The following OSBP2 variants were observed in gnomAD, a reference collection of about 807,000 sequenced individuals.
OSBP2 encodes oxysterol-binding protein 2.
A neutral mutation model predicts 96.0 loss-of-function variants in OSBP2; 66 were observed. The observed-to-expected ratio is 0.69, with a 90% CI of 0.56 to 0.84. OSBP2 has a LOEUF of 0.84. Ranked by LOEUF, OSBP2 falls within the 40% of genes least tolerant of loss-of-function variation. The pLI is 0.00. For missense variants in OSBP2, 1,038 were observed against 1,222.7 expected (o/e 0.85, Z 2.25); for synonymous variants, 525 against 520.9 (o/e 1.01, Z -0.11).
At chr22:30,726,103 A>G (rs2089646482) in intron 1 of OSBP2, among the ~76,000 whole-genome samples, 1 of 152,126 alleles carries the variant, frequency 6.6e-6, no homozygotes, top group Non-Finnish European at 1.5e-5. Flanking sequence ...ATAGGCTCCC[A>G]TAGAAGGTGA....
chr22:30,872,086 G>T (rs919805365), intron 3 of OSBP2, among the ~76,000 whole-genome samples: 1 of 152,202 alleles, frequency 6.6e-6, no homozygotes, highest in Non-Finnish European at 1.5e-5. Flanking sequence ...GCTGGGGGGT[G>T]GGGGGCAGTT....
At chr22:30,750,590 A>G (rs1195902977) in intron 2 of OSBP2, among the ~76,000 whole-genome samples, 2 of 152,204 alleles carry the variant, frequency 1.3e-5, no homozygotes, top group African/African-American at 2.4e-5. Flanking sequence ...TGATGTTAAC[A>G]TCAACACAGA....
In OSBP2 at chr22:30,822,824, G is replaced by A. The variant is rs949121572; in HGVS notation, c.854-47605G>A. The A allele has an allele frequency of 1.9e-4, 169 of 875,486 alleles. No homozygotes were observed. In the African/African-American group the frequency reaches 2.8e-3, roughly 15 times the overall value. 54.2% of individuals were successfully genotyped at this position (875,486 alleles called of 1,614,324 possible). A position where few individuals can be genotyped will look rare whatever the true frequency, so the allele number is the denominator to read the frequency against. ...CGGGAGCCTCTGATGTCACTCCCTC[G>A]CGGCGTGGGGAGCGCGGGGAGCCTC... is the stretch of plus-strand genomic sequence containing the variant. On this transcript the variant is annotated intron_variant, in intron 2 of 13. Coordinates refer to ENST00000332585, the MANE Select transcript of OSBP2 (RefSeq NM_030758.4).
rs1243088966 is a variant in OSBP2 at position 30,906,477 on chromosome 22, C to T, written c.*138C>T. 11 of 1,092,856 alleles carry T rather than the reference C, an allele frequency of 1.0e-5. No homozygotes were observed. The highest frequency in any genetic ancestry group is 6.5e-5 in the Admixed American group (2 of 30,812). The allele number at this position is 1,092,856 out of a possible 1,614,324, so 67.7% of individuals were successfully genotyped here. A position where few individuals can be genotyped will look rare whatever the true frequency, so the allele number is the denominator to read the frequency against. On this transcript the variant is annotated 3_prime_UTR_variant, in exon 14 of 14. Transcript: ENST00000332585. ...ATTTCCTTTCCTATTTTTTTTTTCT[C>T]CCCACACTTTCTTGGGACTCCCACC... is the stretch of plus-strand genomic sequence containing the variant.
chr22:30,795,112 G>A (rs1049727910), intron 2 of OSBP2, among the ~76,000 whole-genome samples: 3 of 151,498 alleles, frequency 2.0e-5, no homozygotes, highest in Non-Finnish European at 4.4e-5. Context: ...GGATCTCATC[G>A]TCTTCCCAGG....
intron 2 of OSBP2, among the ~76,000 whole-genome samples, chr22:30,865,299 T>G (rs1249289443): frequency 2.0e-5 from 3 of 152,090 alleles, no homozygotes; most frequent in Non-Finnish European, 4.4e-5. Context: ...GGGCCTCCCC[T>G]GGTTCCGAGC....
intron 2 of OSBP2, among the ~76,000 whole-genome samples, chr22:30,801,720 C>T (rs1342763721): frequency 6.6e-6 from 1 of 152,134 alleles, no homozygotes; most frequent in African/African-American, 2.4e-5. Context: ...TACCTGTAAT[C>T]TCAGTGCTTT....
intron 2 of OSBP2, among the ~76,000 whole-genome samples, chr22:30,866,969 C>T (rs146768093): frequency 6.6e-6 from 1 of 152,196 alleles, no homozygotes; most frequent in Non-Finnish European, 1.5e-5. Context: ...AGGCCCACCC[C>T]CTTGTGCTCA....
At chr22:30,767,683 A>C (rs912686359) in intron 2 of OSBP2, among the ~76,000 whole-genome samples, 4 of 152,166 alleles carry the variant, frequency 2.6e-5, no homozygotes, top group Non-Finnish European at 5.9e-5. Flanking sequence ...AAGGGAATGC[A>C]GAGGGCTGAG....
At chr22:30,884,721 C>T (rs1476157431) in intron 3 of OSBP2, among the ~76,000 whole-genome samples, 3 of 152,086 alleles carry the variant, frequency 2.0e-5, no homozygotes, top group Non-Finnish European at 4.4e-5. Flanking sequence ...CAGGGTGCCC[C>T]AGTGCACAGC....
chr22:30,807,856 C>T (rs1216226368), intron 2 of OSBP2, among the ~76,000 whole-genome samples: 1 of 152,214 alleles, frequency 6.6e-6, no homozygotes, highest in Admixed American at 6.5e-5. Flanking sequence ...CAGTTTTACA[C>T]TTCACTGTAG....
chr22:30,902,601 CCCTT>C, intron 12 of OSBP2: 1 of 725,190 alleles, frequency 1.4e-6, no homozygotes, highest in South Asian at 1.5e-5. Flanking sequence ...AGATGGTCCT[CCCTT>C]CCACGATCCA....
At chr22:30,797,241 TG>T (rs1306956642) in intron 2 of OSBP2, among the ~76,000 whole-genome samples, 13 of 152,362 alleles carry the variant, frequency 8.5e-5, no homozygotes, top group Admixed American at 2.6e-4. Flanking sequence ...GTGTCTTCCA[TG>T]TTTTAGCTAT....
At chr22:30,885,595 A>G (rs2039792668) in intron 3 of OSBP2, among the ~76,000 whole-genome samples, 1 of 152,214 alleles carries the variant, frequency 6.6e-6, no homozygotes. Flanking sequence ...CTTCTGCCAG[A>G]CAAGACCAAT....
chr22:30,833,241 A>T (rs1383992072), intron 2 of OSBP2, among the ~76,000 whole-genome samples: 1 of 152,252 alleles, frequency 6.6e-6, no homozygotes, highest in African/African-American at 2.4e-5. Flanking sequence ...GTCCGCTGTT[A>T]GAGATTAGAG....
Position 30,708,478 on chromosome 22 carries a change from ATTTTTTT to A in OSBP2, c.644+12947_644+12953del, listed in dbSNP as rs56361178. Among the ~76,000 whole-genome samples the A allele has an allele frequency of 1.9e-4, 12 of 63,474 alleles. 1 individual carries two copies. Among genetic ancestry groups the A allele is most frequent in the South Asian group, 1.5e-3 (2 of 1,296 alleles). The allele number at this position is 63,474 out of a possible 152,430, so 41.6% of individuals were successfully genotyped here. A position where few individuals can be genotyped will look rare whatever the true frequency, so the allele number is the denominator to read the frequency against. On this transcript the variant is annotated intron_variant, in intron 1 of 13. Transcript: ENST00000332585. ...CAGTATATATCTCTAAAGGATAAGG[ATTTTTTT>A]TTTTTTTTTTTTTTTTTTTTTGAGA...
chr22:30,730,764 CTCT>C (rs1397142435), intron 1 of OSBP2, among the ~76,000 whole-genome samples: 10 of 38,216 alleles, frequency 2.6e-4, no homozygotes, highest in South Asian at 3.4e-3. Context: ...CTCTCTCTCT[CTCT>C]CTCTCTCTAT....
At chr22:30,783,302 CTTTTT>C (rs35470453) in intron 2 of OSBP2, among the ~76,000 whole-genome samples, 5 of 34,706 alleles carry the variant, frequency 1.4e-4, no homozygotes, top group African/African-American at 7.0e-4. Context: ...ATTCAGAGAG[CTTTTT>C]TTTTTTTTTT....
At chr22:30,865,973 G>A (rs2039328837) in intron 2 of OSBP2, among the ~76,000 whole-genome samples, 1 of 152,180 alleles carries the variant, frequency 6.6e-6, no homozygotes, top group South Asian at 2.1e-4. Flanking sequence ...GAGGCCTCGG[G>A]AGTCTCAGTG....
Sources: allele counts gnomAD v4.1 joint callset (sites outside exome capture counted in the v4.1 genomes callset), GRCh38; gene constraint gnomAD v4.1.1; transcripts MANE v1.5; gene names NCBI Gene and HGNC (gene_info 2026-07-23, HGNC 2026-07-21).